CIMIP2C: variants seen among roughly 807,000 people sequenced by gnomAD.
CIMIP2C encodes the protein ciliary microtubule inner protein 2C.
the CIMIP2C span, chr2:26,572,040 A>T: frequency 6.8e-7 from 1 of 1,476,982 alleles, no homozygotes; most frequent in Admixed American, 2.3e-5. Flanking sequence ...TATAGGAGAG[A>T]GAGAGAGGAT....
At chr2:26,565,589 G>C in the CIMIP2C span, among the ~76,000 whole-genome samples, 1 of 152,132 alleles carries the variant, frequency 6.6e-6, no homozygotes, top group African/African-American at 2.4e-5. Context: ...GTAAGAGATG[G>C]ACTCTGGAGC....
chr2:26,567,098 A>C, the CIMIP2C span, among the ~76,000 whole-genome samples: 1 of 152,208 alleles, frequency 6.6e-6, no homozygotes, highest in African/African-American at 2.4e-5. Flanking sequence ...AAAATTTAGA[A>C]GTTGATTCCT....
At chr2:26,569,220 C>T in the CIMIP2C span, among the ~76,000 whole-genome samples, 115 of 151,948 alleles carry the variant, frequency 7.6e-4, 2 homozygotes, top group Admixed American at 6.7e-3. Flanking sequence ...GCAGAGCCTT[C>T]TGGATGGAGG....
the CIMIP2C span, among the ~76,000 whole-genome samples, chr2:26,568,169 T>A: frequency 1.2e-4 from 18 of 152,174 alleles, no homozygotes; most frequent in Admixed American, 5.2e-4. Flanking sequence ...GAAAGTAAAT[T>A]CTACAGTCCC....
At chr2:26,565,338 G>A in the CIMIP2C span, among the ~76,000 whole-genome samples, 5 of 152,126 alleles carry the variant, frequency 3.3e-5, no homozygotes, top group African/African-American at 7.2e-5. Flanking sequence ...TGATCAACCC[G>A]CCTTGGCCTC....
the CIMIP2C span, among the ~76,000 whole-genome samples, chr2:26,567,771 G>A: frequency 6.6e-6 from 1 of 152,218 alleles, no homozygotes. Context: ...CTCCTGGGGA[G>A]CTTTAACTAT....
chr2:26,574,953 G>T, the CIMIP2C span, among the ~76,000 whole-genome samples: 1 of 152,242 alleles, frequency 6.6e-6, no homozygotes, highest in Non-Finnish European at 1.5e-5. Context: ...GCACAGGGCC[G>T]TGCTGCTCGG....
At chr2:26,569,343 G>A in the CIMIP2C span, among the ~76,000 whole-genome samples, 8 of 152,158 alleles carry the variant, frequency 5.3e-5, no homozygotes, top group East Asian at 1.9e-4. Flanking sequence ...TGGATGATGC[G>A]GCTGGAAAGC....
chr2:26,565,963 T>C, the CIMIP2C span, among the ~76,000 whole-genome samples: 1 of 152,228 alleles, frequency 6.6e-6, no homozygotes, highest in Non-Finnish European at 1.5e-5. Flanking sequence ...CTGGGTGCTA[T>C]TCCTGCAGTG....
the CIMIP2C span, among the ~76,000 whole-genome samples, chr2:26,566,803 T>C: frequency 6.6e-6 from 1 of 152,202 alleles, no homozygotes; most frequent in Admixed American, 6.5e-5. Flanking sequence ...CACTATAGCC[T>C]TAACCTCCTG....
the CIMIP2C span, among the ~76,000 whole-genome samples, chr2:26,569,964 C>A: frequency 2.4e-4 from 37 of 152,286 alleles, no homozygotes; most frequent in Non-Finnish European, 5.0e-4. Flanking sequence ...CAAAGGAACA[C>A]AAATGCAGGT....
At chr2:26,577,629 G>A in the CIMIP2C span, 2 of 1,610,444 alleles carry the variant, frequency 1.2e-6, no homozygotes, top group African/African-American at 1.3e-5. Flanking sequence ...CCACCGTCCT[G>A]TGAGTGCCTG....
the CIMIP2C span, chr2:26,579,054 T>C: frequency 3.5e-6 from 2 of 569,816 alleles, no homozygotes; most frequent in Non-Finnish European, 6.5e-6. Flanking sequence ...TAGCAGGAGT[T>C]AGGACCAGAG....
the CIMIP2C span, among the ~76,000 whole-genome samples, chr2:26,566,549 C>T: frequency 1.3e-5 from 2 of 152,200 alleles, no homozygotes; most frequent in African/African-American, 4.8e-5. Flanking sequence ...AAACTATCAA[C>T]ATAGTGTCCT....
At chr2:26,577,598 A>T in the CIMIP2C span, 1 of 1,613,946 alleles carries the variant, frequency 6.2e-7, no homozygotes, top group Non-Finnish European at 8.5e-7. Context: ...CCCGTGAGGG[A>T]GCCGGAACGG....
chr2:26,571,750 G>A, the CIMIP2C span, among the ~76,000 whole-genome samples: 5 of 152,128 alleles, frequency 3.3e-5, no homozygotes, highest in African/African-American at 4.8e-5. Context: ...GAGATCGGGC[G>A]CGCTCAGGGT....
At chr2:26,566,227 G>A in the CIMIP2C span, among the ~76,000 whole-genome samples, 1 of 152,190 alleles carries the variant, frequency 6.6e-6, no homozygotes, top group Non-Finnish European at 1.5e-5. Context: ...CAAGAGTGAG[G>A]GCAGGAGGAT....
chr2:26,563,998 C>T, the CIMIP2C span, among the ~76,000 whole-genome samples: 21 of 152,218 alleles, frequency 1.4e-4, no homozygotes, highest in Non-Finnish European at 1.0e-4. Flanking sequence ...AGGATTTGCC[C>T]GTTTTCCTTT....
chr2:26,579,479 G>A, the CIMIP2C span: 1 of 1,600,044 alleles, frequency 6.2e-7, no homozygotes, highest in Non-Finnish European at 8.5e-7. Flanking sequence ...TGAGATCCTG[G>A]GTCGTGACCA....
Sources: allele counts gnomAD v4.1 joint callset (sites outside exome capture counted in the v4.1 genomes callset), GRCh38; gene constraint gnomAD v4.1.1; transcripts MANE v1.5; gene names NCBI Gene and HGNC (gene_info 2026-07-23, HGNC 2026-07-21).